The following SP3 variants were observed in gnomAD, a reference collection of about 807,000 sequenced individuals.
SP3 encodes Sp3 transcription factor.
Under a neutral mutation model 70.3 loss-of-function variants are expected in SP3, and 10 were observed. The ratio of observed to expected loss-of-function variants is 0.14; its 90% CI spans 0.09 to 0.24. The LOEUF (loss-of-function observed/expected upper bound fraction) is 0.24, where lower values mean the gene tolerates loss of function less well. SP3 is among the 10% of genes least tolerant of loss of function. The pLI, the probability that SP3 is intolerant of heterozygous loss-of-function variation, is 1.00. For missense variants in SP3, 825 were observed against 914.6 expected, an observed-to-expected ratio of 0.90 and a Z score of 1.26; for synonymous variants, 402 against 333.5, an observed-to-expected ratio of 1.21 and a Z score of -2.24.
In SP3 at chr2:173,902,275, T is replaced by A. The variant is rs1427092407; in HGVS notation, c.*7666A>T. ...ATGAATCTAGAATCATTTTGTCAAA[T>A]CCCAAAACAAAATTTCATTGTTATT... On this transcript the variant is annotated 3_prime_UTR_variant, in exon 7 of 7. Coordinates refer to ENST00000310015, the MANE Select transcript of SP3 (RefSeq NM_003111.5). Among the ~76,000 whole-genome samples the A allele has an allele frequency of 2.0e-5, 3 of 152,186 alleles. No homozygotes were observed. Among genetic ancestry groups the A allele is most frequent in the African/African-American group, 7.2e-5 (3 of 41,444 alleles).
At chr2:173,922,969 T>G (rs1689800127) in intron 4 of SP3, among the ~76,000 whole-genome samples, 1 of 152,240 alleles carries the variant, frequency 6.6e-6, no homozygotes, top group Non-Finnish European at 1.5e-5. Context: ...ACCTGAAGTA[T>G]TTGTAAATCA....
At chr2:173,926,106 T>C (rs572449921) in intron 4 of SP3, among the ~76,000 whole-genome samples, 93 of 152,266 alleles carry the variant, frequency 6.1e-4, no homozygotes, top group African/African-American at 2.1e-3. Flanking sequence ...AAACAAACTA[T>C]GACTACAACA....
At chr2:173,931,492 C>A (rs893940847) in intron 4 of SP3, among the ~76,000 whole-genome samples, 1 of 152,028 alleles carries the variant, frequency 6.6e-6, no homozygotes. Flanking sequence ...TACAGGTGTG[C>A]GCCATCATGC....
At chr2:173,934,219 G>A (rs1394410010) in intron 4 of SP3, among the ~76,000 whole-genome samples, 2 of 151,500 alleles carry the variant, frequency 1.3e-5, no homozygotes, top group African/African-American at 4.8e-5. Flanking sequence ...CAGTCTGAGT[G>A]AGAGAGAACT....
Position 173,917,852 on chromosome 2 carries a change from G to A in SP3, c.1832+741C>T, listed in dbSNP as rs114809095. 4.1e-3 allele frequency among the ~76,000 whole-genome samples: 619 copies of A among 151,972 alleles called. 2 individuals carry two copies. The highest frequency in any genetic ancestry group is 7.3e-3 in the Non-Finnish European group (494 of 67,912). The stretch of plus-strand genomic sequence containing the variant: ...GGGGCTTTCACCTCAATTCCGTCTC[G>A]TGTGATATATTAACACTGCTATCCA... On this transcript the variant is annotated intron_variant, in intron 5 of 6. Transcript: ENST00000310015.
chr2:173,918,912 T>C, intron 4 of SP3, 127 bp from the exon 5 acceptor site: 1 of 755,672 alleles, frequency 1.3e-6, no homozygotes, highest in Non-Finnish European at 2.1e-6. Flanking sequence ...CTAGACTGTT[T>C]TCCAGTTATT....
chr2:173,940,211 A>C (rs1279437639), intron 4 of SP3, among the ~76,000 whole-genome samples: 1 of 152,162 alleles, frequency 6.6e-6, no homozygotes, highest in Non-Finnish European at 1.5e-5. Flanking sequence ...AGCGGTCCCC[A>C]ACCTTTTTGG....
At chr2:173,927,841 C>A (rs1344812410) in intron 4 of SP3, among the ~76,000 whole-genome samples, 1 of 152,152 alleles carries the variant, frequency 6.6e-6, no homozygotes, top group Non-Finnish European at 1.5e-5. Flanking sequence ...AAAAATTTCT[C>A]CAGAATCAAT....
In SP3 at chr2:173,910,164, C is replaced by A. The variant is rs745932652; in HGVS notation, c.2123G>T (p.Gly708Val). The A allele has an allele frequency of 1.9e-6, 3 of 1,613,810 alleles. No homozygotes were observed. Among genetic ancestry groups the A allele is most frequent in the Non-Finnish European group, 2.5e-6 (3 of 1,179,896 alleles). The change falls in exon 7 of 7, where the codon GGT (glycine) becomes GTT (valine). Residue 708 changes from glycine (G) to valine (V), a missense_variant. By Grantham distance (109) the Gly-to-Val change is moderately radical. Around this residue, in one of 4 missense-constraint regions of SP3, gnomAD observed 91 missense variants for 97.4 expected, o/e 0.93. Transcript: ENST00000310015. ...CAGCACTGTACTGCTAGAGTGAATA[C>A]CTTTTTTATTCTGGTGTGTTTTAAT... ...KHIKTHQNKKGIHSSSTVLAS... is the reference protein window; with the variant it reads ...KHIKTHQNKKVIHSSSTVLAS...
intron 4 of SP3, among the ~76,000 whole-genome samples, chr2:173,946,798 T>C (rs1293934728): frequency 1.3e-5 from 2 of 150,456 alleles, no homozygotes; most frequent in Admixed American, 1.3e-4. Context: ...CACAGCTCAC[T>C]GTAGCCTCAA....
In SP3 at chr2:173,910,152, C is replaced by T; in HGVS notation, c.2135G>A (p.Ser712Asn). ...TTCCACAGATGCCAGCACTGTACTGCTAGAGTGAATACCTTTTTTATTCTG... is the reference window on the plus strand; with the variant it reads ...TTCCACAGATGCCAGCACTGTACTGTTAGAGTGAATACCTTTTTTATTCTG... ...THQNKKGIHS[S>N]STVLASVEAA... The change falls in exon 7 of 7, where the codon AGC becomes AAC. Residue 712 changes from serine (S) to asparagine (N), a missense_variant. By Grantham distance (46) the Ser-to-Asn change is conservative. Coordinates refer to ENST00000310015, the MANE Select transcript of SP3 (RefSeq NM_003111.5). The T allele has an allele frequency of 6.2e-7, 1 of 1,613,904 alleles. No individual in the cohort carries two copies.
At chr2:173,936,872 CA>C (rs1690222817) in intron 4 of SP3, among the ~76,000 whole-genome samples, 1 of 151,852 alleles carries the variant, frequency 6.6e-6, no homozygotes, top group South Asian at 2.1e-4. Flanking sequence ...CTAGATTCCC[CA>C]TTAAACTTCT....
intron 4 of SP3, among the ~76,000 whole-genome samples, chr2:173,927,816 TATG>T (rs949085375): frequency 5.3e-5 from 8 of 152,228 alleles, no homozygotes; most frequent in African/African-American, 1.7e-4. Flanking sequence ...TTAAGATAGT[TATG>T]ATATCTTGAA....
At position 173,956,247 on chromosome 2, in the gene SP3, C is replaced by A. The variant is rs1375552087; in HGVS notation, c.280-15G>T. On this transcript the variant is annotated splice_polypyrimidine_tract_variant and intron_variant, in intron 3 of 6. Coordinates refer to ENST00000310015, the MANE Select transcript of SP3 (RefSeq NM_003111.5). ...AAATCACCTGTCTGGATGAAGAAAA[C>A]AAAAAGGTGATATATTTGTGGTATA... 17 of 1,555,850 alleles carry A rather than the reference C, an allele frequency of 1.1e-5. No individual in the cohort carries two copies. The Admixed American group carries it at 2.2e-4, about 20-fold the overall frequency.
chr2:173,911,938 C>A (rs1689496847), intron 6 of SP3, among the ~76,000 whole-genome samples: 1 of 151,464 alleles, frequency 6.6e-6, no homozygotes, highest in African/African-American at 2.4e-5. Flanking sequence ...CCCACCTCAG[C>A]CTCCTGAGCA....
At chr2:173,961,380 A>C (rs1348934931) in intron 3 of SP3, among the ~76,000 whole-genome samples, 1 of 152,236 alleles carries the variant, frequency 6.6e-6, no homozygotes, top group Non-Finnish European at 1.5e-5. Flanking sequence ...ATACCAAGCT[A>C]AACTGGCATA....
intron 1 of SP3, 177 bp from the exon 2 acceptor site, chr2:173,964,730 C>CTG: frequency 2.8e-6 from 1 of 359,368 alleles, no homozygotes; most frequent in Non-Finnish European, 5.0e-6. Context: ...CCTGCTGCTG[C>CTG]CCCCGCCCGC....
At chr2:173,948,238 C>A (rs1226411447) in intron 4 of SP3, among the ~76,000 whole-genome samples, 2 of 152,124 alleles carry the variant, frequency 1.3e-5, no homozygotes, top group African/African-American at 4.8e-5. Flanking sequence ...TTTTGCTTTC[C>A]ACAATGGTTT....
At chr2:173,956,571 G>T (rs1327428173) in intron 3 of SP3, among the ~76,000 whole-genome samples, 1 of 152,142 alleles carries the variant, frequency 6.6e-6, no homozygotes, top group Non-Finnish European at 1.5e-5. Context: ...ACCAAATCAG[G>T]TGCATTATAT....
Sources: allele counts gnomAD v4.1 joint callset (sites outside exome capture counted in the v4.1 genomes callset), GRCh38; gene constraint gnomAD v4.1.1; regional missense constraint gnomAD v4.1.1; transcripts MANE v1.5; gene names NCBI Gene and HGNC (gene_info 2026-07-23, HGNC 2026-07-21).